The following CSMD1 variants were observed in gnomAD, a reference collection of about 807,000 sequenced individuals.
CSMD1 encodes the protein CUB and Sushi multiple domains 1, also known as CUB and sushi domain-containing protein 1.
CSMD1 carries 213 observed loss-of-function variants against 417.5 expected under a neutral mutation model. The ratio of observed to expected loss-of-function variants is 0.51; its 90% CI spans 0.46 to 0.57. CSMD1 has a LOEUF of 0.57. Ranked by LOEUF, CSMD1 falls within the 20% of genes least tolerant of loss-of-function variation. The pLI is 0.00. For missense variants in CSMD1, 6,923 were observed against 4,529.7 expected (o/e 1.53, Z -15.17); for synonymous variants, 2,862 against 1,736.8 (o/e 1.65, Z -16.11).
intron 8 of CSMD1, among the ~76,000 whole-genome samples, chr8:3,604,076 A>C (rs1308909629): frequency 6.6e-6 from 1 of 152,236 alleles, no homozygotes; most frequent in Non-Finnish European, 1.5e-5. Flanking sequence ...CTTAGTGAAT[A>C]ATGGCTGAAT....
chr8:4,389,509 A>C (rs932634526), intron 3 of CSMD1, among the ~76,000 whole-genome samples: 1 of 152,208 alleles, frequency 6.6e-6, no homozygotes, highest in Non-Finnish European at 1.5e-5. Context: ...AATACAAAGG[A>C]TAATATATCA....
chr8:4,057,965 G>C (rs6558837), intron 3 of CSMD1, among the ~76,000 whole-genome samples: 134,547 of 149,694 alleles, frequency 0.9, 60,620 homozygotes, highest in Middle Eastern at 0.95. Flanking sequence ...AGTCAGGTAG[G>C]GTGATGCCTC....
At chr8:4,051,840 C>T (rs1025341013) in intron 3 of CSMD1, among the ~76,000 whole-genome samples, 1 of 128,390 alleles carries the variant, frequency 7.8e-6, no homozygotes, top group African/African-American at 2.9e-5. Flanking sequence ...TCTTTCTTTT[C>T]TTTCTTTTCT....
Position 4,631,247 on chromosome 8 carries a change from A to G in CSMD1, c.302+6095T>C, listed in dbSNP as rs183347100. Reference sequence around the variant, plus strand: ...AGTGGTGGCATGTGCCTGTAGTCCCAGCTACTTGGGAGGCTGAGGCAGGAG... The same window carrying G: ...AGTGGTGGCATGTGCCTGTAGTCCCGGCTACTTGGGAGGCTGAGGCAGGAG... On this transcript the variant is annotated intron_variant, in intron 2 of 69. Coordinates refer to ENST00000635120, the MANE Select transcript of CSMD1 (RefSeq NM_033225.6). Among the ~76,000 whole-genome samples, 235 of 152,280 alleles carry G rather than the reference A, an allele frequency of 1.5e-3. 4 individuals carry two copies. The highest frequency in any genetic ancestry group is 0.015 in the Admixed American group (235 of 15,292).
rs184618391 is a variant in CSMD1, at chr8:3,239,645, T to C, written c.4154-9414A>G. Among the ~76,000 whole-genome samples the C allele has an allele frequency of 9.2e-5, 14 of 152,322 alleles. No homozygotes were observed. The East Asian group carries it at 2.7e-3, about 29-fold the overall frequency. Reference sequence around the variant, plus strand: ...GAGAAGTTATTTCCTTGAGGATAGATTTCTATGATGGAAAGGAAATGAGAG... The same window carrying C: ...GAGAAGTTATTTCCTTGAGGATAGACTTCTATGATGGAAAGGAAATGAGAG... On this transcript the variant is annotated intron_variant, in intron 26 of 69. Transcript: ENST00000635120.
chr8:4,163,177 T>A (rs1362867204), intron 3 of CSMD1, among the ~76,000 whole-genome samples: 1 of 152,232 alleles, frequency 6.6e-6, no homozygotes, highest in Non-Finnish European at 1.5e-5. Context: ...CAACCAAGAA[T>A]AAACCTTCTA....
chr8:3,517,099 C>T (rs940916502), intron 10 of CSMD1, among the ~76,000 whole-genome samples: 2 of 152,184 alleles, frequency 1.3e-5, no homozygotes, highest in African/African-American at 4.8e-5. Flanking sequence ...GCGGCCTTCT[C>T]AGGAGAGGAA....
chr8:4,295,153 C>A (rs549534361), intron 3 of CSMD1, among the ~76,000 whole-genome samples: 10 of 140,180 alleles, frequency 7.1e-5, no homozygotes, highest in African/African-American at 2.4e-4. Flanking sequence ...CTTAAGATTA[C>A]GCACATATAA....
At chr8:4,330,553 GC>G (rs1799810153) in intron 3 of CSMD1, among the ~76,000 whole-genome samples, 1 of 149,792 alleles carries the variant, frequency 6.7e-6, no homozygotes, top group Admixed American at 6.7e-5. Context: ...TCACACCACA[GC>G]ACTTCAGCCT....
intron 3 of CSMD1, among the ~76,000 whole-genome samples, chr8:4,316,483 G>A (rs1007808362): frequency 9.2e-5 from 14 of 152,080 alleles, no homozygotes; most frequent in Non-Finnish European, 1.6e-4. Flanking sequence ...AAACCTCAAC[G>A]ATTTTTGCAC....
intron 12 of CSMD1, among the ~76,000 whole-genome samples, chr8:3,461,435 G>C (rs1420649587): frequency 6.6e-6 from 1 of 152,182 alleles, no homozygotes; most frequent in Non-Finnish European, 1.5e-5. Flanking sequence ...CCCAGAGGCT[G>C]GAATACATGG....
chr8:3,165,177 G>A (rs903567880), intron 37 of CSMD1, among the ~76,000 whole-genome samples: 1 of 152,086 alleles, frequency 6.6e-6, no homozygotes, highest in East Asian at 1.9e-4. Flanking sequence ...TACACACCCA[G>A]TATATGTTAG....
chr8:3,797,368 C>G (rs1302446949), intron 5 of CSMD1, among the ~76,000 whole-genome samples: 3 of 151,940 alleles, frequency 2.0e-5, no homozygotes, highest in African/African-American at 7.2e-5. Context: ...AGCCCACACC[C>G]CGGATGCAGG....
chr8:3,552,188 C>CCA (rs1798944760), intron 10 of CSMD1, among the ~76,000 whole-genome samples: 1 of 152,116 alleles, frequency 6.6e-6, no homozygotes, highest in Non-Finnish European at 1.5e-5. Context: ...AAACAGAGTA[C>CCA]TGTCTGTGGA....
intron 10 of CSMD1, among the ~76,000 whole-genome samples, chr8:3,525,510 T>C (rs1797717961): frequency 6.6e-6 from 1 of 152,198 alleles, no homozygotes; most frequent in African/African-American, 2.4e-5. Flanking sequence ...CGCAGTACCC[T>C]GACACTGATT....
rs555741486 is a variant in CSMD1, at chr8:4,477,930, C to T, written c.303-57865G>A. On this transcript the variant is annotated intron_variant, in intron 2 of 69. Coordinates refer to ENST00000635120, the MANE Select transcript of CSMD1 (RefSeq NM_033225.6). ...TGATACCTGATCAATTTTTGCCTGG[C>T]GCATGATAGCTATGCAATAAATATT... 1.1e-4 allele frequency among the ~76,000 whole-genome samples: 16 copies of T among 152,232 alleles called. No homozygotes were observed. In the East Asian group the frequency reaches 2.3e-3, roughly 22 times the overall value.
intron 2 of CSMD1, among the ~76,000 whole-genome samples, chr8:4,461,085 G>C (rs996513567): frequency 6.6e-6 from 1 of 152,052 alleles, no homozygotes; most frequent in African/African-American, 2.4e-5. Flanking sequence ...ATTTATCTCA[G>C]GAATGCAAGA....
intron 1 of CSMD1, among the ~76,000 whole-genome samples, chr8:4,829,737 CAAAA>C (rs11290763): frequency 1.3e-4 from 14 of 109,964 alleles, no homozygotes; most frequent in Non-Finnish European, 1.1e-4. Flanking sequence ...GACCCTGTCT[CAAAA>C]AAAAAAAAAA....
At chr8:3,405,996 G>T in intron 15 of CSMD1, 31 bp downstream of exon 15, 1 of 1,601,026 alleles carries the variant, frequency 6.2e-7, no homozygotes, top group Non-Finnish European at 8.5e-7. Context: ...TGATTTCAAA[G>T]GAGAAGAGCG....
Sources: gnomAD v4.1 joint callset for allele counts (sites outside exome capture counted in the v4.1 genomes callset) on GRCh38, gnomAD v4.1.1 for gene constraint, MANE v1.5 for transcripts, NCBI Gene and HGNC (gene_info 2026-07-23, HGNC 2026-07-21) for gene names.